Variants in ROBO2 observed in about 807,000 individuals in gnomAD.
The protein encoded by ROBO2 is roundabout guidance receptor 2, also known as roundabout homolog 2.
ROBO2 carries 53 observed loss-of-function variants against 160.8 expected under a neutral mutation model. The ratio of observed to expected loss-of-function variants is 0.33; its 90% confidence interval spans 0.26 to 0.41. ROBO2 has a LOEUF of 0.41. Ranked by LOEUF, ROBO2 falls within the 10% of genes least tolerant of loss-of-function variation. The pLI is 1.00. For missense variants in ROBO2, 1,577 were observed against 1,722.4 expected (o/e 0.92, Z 1.49); for synonymous variants, 664 against 611.7 (o/e 1.09, Z -1.26).
At position 76,659,846 on chromosome 3, in the gene ROBO2, G is replaced by A. The variant is rs2091743500; in HGVS notation, c.110-438168G>A. 3.3e-5 allele frequency among the ~76,000 whole-genome samples: 5 copies of A among 152,140 alleles called. 1 individual carries two copies. The South Asian group carries it at 1.0e-3, about 32-fold the overall frequency. On this transcript the variant is annotated intron_variant, in intron 2 of 26. Coordinates refer to the ROBO2 transcript ENST00000487694. ...AGCTGGGAAAAACCATGGCCAGGGT[G>A]TGTCCTGTCTTAGATGATTTGAAGG...
At chr3:76,490,590 A>C (rs1400431169) in intron 2 of ROBO2, among the ~76,000 whole-genome samples, 3 of 152,224 alleles carry the variant, frequency 2.0e-5, no homozygotes, top group Non-Finnish European at 4.4e-5. Flanking sequence ...TGATGAAAGT[A>C]ACTCTTGCCA....
chr3:76,126,248 A>G (rs1479044547), intron 2 of ROBO2, among the ~76,000 whole-genome samples: 1 of 152,174 alleles, frequency 6.6e-6, no homozygotes, highest in Non-Finnish European at 1.5e-5. Context: ...TTAATTTGAG[A>G]GGAGTGTCAA....
chr3:77,164,605 C>T (rs1313932804), intron 2 of ROBO2, among the ~76,000 whole-genome samples: 11 of 125,552 alleles, frequency 8.8e-5, no homozygotes, highest in East Asian at 7.6e-4. Flanking sequence ...CCGGCTGCCC[C>T]TACTGGGAAG....
At chr3:76,884,473 G>C (rs1012432145) in intron 2 of ROBO2, among the ~76,000 whole-genome samples, 1 of 152,144 alleles carries the variant, frequency 6.6e-6, no homozygotes, top group South Asian at 2.1e-4. Flanking sequence ...TACTGTTATG[G>C]CTGCAGAGAA....
At chr3:77,068,647 A>G (rs2067104685) in intron 1 of ROBO2, among the ~76,000 whole-genome samples, 1 of 152,158 alleles carries the variant, frequency 6.6e-6, no homozygotes, top group Non-Finnish European at 1.5e-5. Flanking sequence ...GATTTGTGAG[A>G]AAGAATGAAT....
chr3:76,178,604 G>A (rs1156814403), intron 2 of ROBO2, among the ~76,000 whole-genome samples: 1 of 152,132 alleles, frequency 6.6e-6, no homozygotes, highest in African/African-American at 2.4e-5. Flanking sequence ...AGGCAATAAT[G>A]TGGCACAGCC....
chr3:76,050,331 A>G (rs2067612143), intron 2 of ROBO2, among the ~76,000 whole-genome samples: 1 of 152,042 alleles, frequency 6.6e-6, no homozygotes, highest in Non-Finnish European at 1.5e-5. Flanking sequence ...TGGACTTAAC[A>G]CCAGTGTTTT....
intron 20 of ROBO2, among the ~76,000 whole-genome samples, chr3:77,605,496 C>T (rs1193482147): frequency 6.6e-6 from 1 of 152,082 alleles, no homozygotes; most frequent in Non-Finnish European, 1.5e-5. Context: ...AATGAGAGAG[C>T]AGAAATTTCC....
At chr3:77,300,951 A>C (rs2153412204) in intron 2 of ROBO2, among the ~76,000 whole-genome samples, 1 of 151,948 alleles carries the variant, frequency 6.6e-6, no homozygotes, top group South Asian at 2.1e-4. Context: ...GGCCACTAAC[A>C]TCCACCTCTT....
At chr3:75,923,707 G>C (rs935878753) in intron 1 of ROBO2, among the ~76,000 whole-genome samples, 1 of 152,186 alleles carries the variant, frequency 6.6e-6, no homozygotes, top group Admixed American at 6.5e-5. Context: ...ACAAATAAAT[G>C]AGTATATGCT....
intron 2 of ROBO2, among the ~76,000 whole-genome samples, chr3:77,200,292 TATATATATATATATATATATATATA>T: frequency 1.5e-5 from 1 of 66,976 alleles, no homozygotes. Context: ...TATATATATA[TATATATATATATATATATATATATA>T]TATATTTTAG....
rs191934989 is a variant in ROBO2 at position 76,775,044 on chromosome 3, C to G, written c.110-322970C>G. Among the ~76,000 whole-genome samples the G allele has an allele frequency of 2.7e-5, 4 of 150,612 alleles. No individual in the cohort carries two copies. In the Admixed American group the frequency reaches 2.7e-4, roughly 10 times the overall value. On this transcript the variant is annotated intron_variant, in intron 2 of 26. Coordinates refer to the ROBO2 transcript ENST00000487694. The stretch of plus-strand genomic sequence containing the variant: ...AATATAATTGATATAAAAATATATA[C>G]AGTAAAACTACAAAATGACCAAATA...
Position 76,855,049 on chromosome 3 carries a change from G to A in ROBO2, c.110-242965G>A, listed in dbSNP as rs76339860. 1.1e-4 allele frequency among the ~76,000 whole-genome samples: 17 copies of A among 152,260 alleles called. No homozygotes were observed. In the East Asian group the frequency reaches 3.3e-3, roughly 29 times the overall value. ...TTTTTGTAGCATTCCAACCCTGGTA[G>A]TAATCAGGAGGCACTAAAAATGCTC... On this transcript the variant is annotated intron_variant, in intron 2 of 26. Coordinates refer to the ROBO2 transcript ENST00000487694.
chr3:76,821,697 T>C (rs1359730038), intron 2 of ROBO2, among the ~76,000 whole-genome samples: 3 of 152,044 alleles, frequency 2.0e-5, no homozygotes, highest in Non-Finnish European at 2.9e-5. Context: ...CATTCTTTTC[T>C]CAGTAGTATT....
intron 2 of ROBO2, among the ~76,000 whole-genome samples, chr3:76,703,762 A>G (rs1211163638): frequency 6.6e-6 from 1 of 152,070 alleles, no homozygotes; most frequent in Non-Finnish European, 1.5e-5. Context: ...CTAGTCTATC[A>G]TTGATGGGTG....
chr3:76,976,681 C>A (rs2059831311), intron 2 of ROBO2, among the ~76,000 whole-genome samples: 1 of 152,130 alleles, frequency 6.6e-6, no homozygotes, highest in Non-Finnish European at 1.5e-5. Flanking sequence ...GCTTTACTAC[C>A]TTGCAAACTG....
At chr3:76,631,424 GA>G (rs72374675) in intron 2 of ROBO2, among the ~76,000 whole-genome samples, 11 of 146,654 alleles carry the variant, frequency 7.5e-5, no homozygotes, top group African/African-American at 1.0e-4. Context: ...TGTACGGGTA[GA>G]AAAAAAAAAG....
At chr3:77,597,970 C>T (rs2094345229) in intron 19 of ROBO2, among the ~76,000 whole-genome samples, 3 of 152,014 alleles carry the variant, frequency 2.0e-5, no homozygotes, top group African/African-American at 7.2e-5. Context: ...CCAAGTACTC[C>T]AAGTACTGTT....
intron 2 of ROBO2, among the ~76,000 whole-genome samples, chr3:76,304,986 C>T (rs2071265470): frequency 6.6e-6 from 1 of 151,824 alleles, no homozygotes; most frequent in Admixed American, 6.6e-5. Flanking sequence ...GGTGAATTAT[C>T]ATAGCAGAAA....
Sources: gnomAD v4.1 joint callset for allele counts (sites outside exome capture counted in the v4.1 genomes callset) on GRCh38, gnomAD v4.1.1 for gene constraint, MANE v1.5 for transcripts, NCBI Gene and HGNC (gene_info 2026-07-23, HGNC 2026-07-21) for gene names.